The following ZNF664 variants were observed in gnomAD, a reference collection of about 807,000 sequenced individuals.
ZNF664 encodes zinc finger protein 664.
A neutral mutation model predicts 18.2 loss-of-function variants in ZNF664; 10 were observed. The ratio of observed to expected loss-of-function variants is 0.55; its 90% CI spans 0.34 to 0.93. The LOEUF (loss-of-function observed/expected upper bound fraction) is 0.93, where lower values mean the gene tolerates loss of function less well. Ranked by LOEUF, ZNF664 falls within the 40% of genes least tolerant of loss-of-function variation. ZNF664 has a pLI of 0.02. For synonymous variants in ZNF664, 119 were observed against 104.2 expected, an observed-to-expected ratio of 1.14 and a Z score of -0.86; for missense variants, 193 against 319.0, an observed-to-expected ratio of 0.61 and a Z score of 3.01.
rs185268727 is a variant in ZNF664, at chr12:123,982,628, C to T, written c.-756-5415C>T. ...TCTGATTGGCTTAGCTTGGGTTCCA[C>T]GCTCACCGTATCGGTTTTACTGTTG... On this transcript the variant is annotated intron_variant, in intron 2 of 4. Coordinates refer to ENST00000337815, the MANE Select transcript of ZNF664 (RefSeq NM_152437.3). Among the ~76,000 whole-genome samples, 17 of 152,306 alleles carry T rather than the reference C, an allele frequency of 1.1e-4. No individual in the cohort carries two copies. The East Asian group carries it at 2.1e-3, about 19-fold the overall frequency.
intron 2 of ZNF664, chr12:123,974,298 G>A (rs1400074947): frequency 2.8e-6 from 1 of 351,266 alleles, no homozygotes; most frequent in East Asian, 4.2e-5. Context: ...CTGGTTGCTA[G>A]ATTGCTTACG....
At chr12:124,002,284 G>A (rs1353477140) in intron 3 of ZNF664, among the ~76,000 whole-genome samples, 1 of 152,220 alleles carries the variant, frequency 6.6e-6, no homozygotes, top group African/African-American at 2.4e-5. Context: ...GGAGGCTGGT[G>A]TGTGGTTTGC....
chr12:123,982,306 A>G (rs1956774505), intron 2 of ZNF664, among the ~76,000 whole-genome samples: 1 of 152,188 alleles, frequency 6.6e-6, no homozygotes, highest in Admixed American at 6.5e-5. Flanking sequence ...TTAGAGAGGA[A>G]GGTAGATGTC....
At chr12:123,977,046 C>T (rs758646558) in intron 2 of ZNF664, among the ~76,000 whole-genome samples, 1 of 152,194 alleles carries the variant, frequency 6.6e-6, no homozygotes, top group Non-Finnish European at 1.5e-5. Flanking sequence ...TGCCACTGCA[C>T]TCCAGCCTGG....
At chr12:124,007,422 T>C (rs1462820240) in intron 3 of ZNF664, among the ~76,000 whole-genome samples, 4 of 152,230 alleles carry the variant, frequency 2.6e-5, no homozygotes, top group Admixed American at 6.5e-5. Context: ...TGGGGTTAGC[T>C]TGCCAGGCAA....
chr12:123,975,214 A>T (rs896268612), intron 2 of ZNF664, among the ~76,000 whole-genome samples: 1 of 152,180 alleles, frequency 6.6e-6, no homozygotes, highest in Admixed American at 6.5e-5. Flanking sequence ...AGCCTTTGTG[A>T]TCCAAAAATT....
chr12:123,990,912 G>C (rs893992161), intron 3 of ZNF664, among the ~76,000 whole-genome samples: 2 of 152,306 alleles, frequency 1.3e-5, no homozygotes, highest in South Asian at 4.1e-4. Context: ...CCTCATCGGT[G>C]TTCCTTGTTC....
intron 3 of ZNF664, among the ~76,000 whole-genome samples, chr12:124,008,229 T>C (rs962459375): frequency 8.5e-5 from 13 of 152,220 alleles, no homozygotes; most frequent in African/African-American, 2.7e-4. Flanking sequence ...TTCCTAGTAG[T>C]TCCTCTGTCC....
At chr12:123,981,907 A>G (rs1956769234) in intron 2 of ZNF664, among the ~76,000 whole-genome samples, 1 of 152,374 alleles carries the variant, frequency 6.6e-6, no homozygotes, top group African/African-American at 2.4e-5. Flanking sequence ...ATATCTGTCT[A>G]GATAGACTGG....
In ZNF664 at chr12:123,997,057, G is replaced by A. The variant is rs555936823; in HGVS notation, c.-661+8919G>A. Among the ~76,000 whole-genome samples, 178 of 152,128 alleles carry A rather than the reference G, an allele frequency of 1.2e-3. 1 individual carries two copies. The highest frequency in any genetic ancestry group is 4.0e-3 in the African/African-American group (167 of 41,494). On this transcript the variant is annotated intron_variant, in intron 3 of 4. Coordinates refer to ENST00000337815, the MANE Select transcript of ZNF664 (RefSeq NM_152437.3). Reference sequence around the variant, plus strand: ...AAGAATAAAACTCTTGTAAAGGAAAGGAAAAATAAAGATTTTCTATGAAAT... The same window carrying A: ...AAGAATAAAACTCTTGTAAAGGAAAAGAAAAATAAAGATTTTCTATGAAAT...
intron 2 of ZNF664, 108 bp downstream of exon 2, chr12:123,974,128 A>T (rs1329740582): frequency 8.8e-6 from 7 of 797,064 alleles, no homozygotes; most frequent in Admixed American, 4.4e-5. Flanking sequence ...CCGGCTTCTC[A>T]TGAACTCCGT....
At chr12:123,991,194 G>T (rs926637341) in intron 3 of ZNF664, among the ~76,000 whole-genome samples, 5 of 152,194 alleles carry the variant, frequency 3.3e-5, no homozygotes, top group Non-Finnish European at 7.3e-5. Flanking sequence ...GGTTCACGTA[G>T]GGGCTATCAC....
rs1217125704 is a variant in ZNF664, at chr12:124,014,391, C to T, written c.*1461C>T. The T allele has an allele frequency of 6.0e-6, 1 of 167,070 alleles. No homozygotes were observed. Among genetic ancestry groups the T allele is most frequent in the African/African-American group, 2.4e-5 (1 of 41,458 alleles). 10.3% of individuals were successfully genotyped at this position (167,070 alleles called of 1,614,324 possible). A position where few individuals can be genotyped will look rare whatever the true frequency, so the allele number is the denominator to read the frequency against. On this transcript the variant is annotated 3_prime_UTR_variant, in exon 5 of 5. Transcript: ENST00000337815. Reference sequence around the variant, plus strand: ...CCGAGGTGGTCAGTATCCTGACTTTCAGAGGCCTTTTTTTGTTTGTTTTAA... The same window carrying T: ...CCGAGGTGGTCAGTATCCTGACTTTTAGAGGCCTTTTTTTGTTTGTTTTAA...
intron 3 of ZNF664, among the ~76,000 whole-genome samples, chr12:123,989,091 G>T (rs1194931583): frequency 6.6e-6 from 1 of 152,164 alleles, no homozygotes; most frequent in African/African-American, 2.4e-5. Flanking sequence ...AAGGAGGATT[G>T]GCTGTGGGAG....
intron 3 of ZNF664, among the ~76,000 whole-genome samples, chr12:124,001,103 A>G (rs1957006268): frequency 6.6e-6 from 1 of 152,096 alleles, no homozygotes; most frequent in African/African-American, 2.4e-5. Flanking sequence ...TATTCAAATA[A>G]AAGACCTGGG....
rs1238296280 is a variant in ZNF664, at chr12:123,987,702, C to G, written c.-756-341C>G. 3.9e-5 allele frequency among the ~76,000 whole-genome samples: 6 copies of G among 152,160 alleles called. No individual in the cohort carries two copies. The East Asian group carries it at 1.2e-3, about 29-fold the overall frequency. On this transcript the variant is annotated intron_variant, in intron 2 of 4. Transcript: ENST00000337815. ...GATTGTTTATTCCCTGGCATTTTAG[C>G]CAGTCTGAGTCAGTTATCTTATACC...
At chr12:124,009,625 A>T (rs1470821327) in intron 3 of ZNF664, among the ~76,000 whole-genome samples, 1 of 152,060 alleles carries the variant, frequency 6.6e-6, no homozygotes, top group Non-Finnish European at 1.5e-5. Context: ...CAGCTTCCTG[A>T]GTAGCTGCGA....
At chr12:123,995,534 C>T (rs963296385) in intron 3 of ZNF664, among the ~76,000 whole-genome samples, 3 of 151,644 alleles carry the variant, frequency 2.0e-5, no homozygotes, top group Non-Finnish European at 4.4e-5. Flanking sequence ...GAATGTTAAT[C>T]CCAGTCACTC....
chr12:123,982,332 G>A (rs1185683289), intron 2 of ZNF664, among the ~76,000 whole-genome samples: 2 of 152,114 alleles, frequency 1.3e-5, no homozygotes, highest in African/African-American at 4.8e-5. Flanking sequence ...CAGAGGTTGG[G>A]GCCCAGTCGC....
Sources: allele counts gnomAD v4.1 joint callset (sites outside exome capture counted in the v4.1 genomes callset), GRCh38; gene constraint gnomAD v4.1.1; transcripts MANE v1.5; gene names NCBI Gene and HGNC (gene_info 2026-07-23, HGNC 2026-07-21).